The following CDH4 variants were observed in gnomAD, a reference collection of about 807,000 sequenced individuals.
CDH4 encodes the protein cadherin 4, also known as cadherin-4.
Under a neutral mutation model 86.0 loss-of-function variants are expected in CDH4, and 33 were observed. That is an observed-to-expected ratio of 0.38 (90% CI 0.29 to 0.51). The LOEUF (loss-of-function observed/expected upper bound fraction) is 0.51. CDH4 is among the 20% of genes least tolerant of loss of function. The pLI, the probability that CDH4 is intolerant of heterozygous loss-of-function variation, is 0.86. For synonymous variants in CDH4, 555 were observed against 549.4 expected (o/e 1.01, Z -0.14); for missense variants, 1,114 against 1,307.4 (o/e 0.85, Z 2.28).
chr20:61,929,473 G>A, intron 12 of CDH4, 136 bp from the exon 13 acceptor site: 1 of 655,796 alleles, frequency 1.5e-6, no homozygotes, highest in Admixed American at 2.3e-5. Context: ...TAGCACAGGT[G>A]TATGTATGTA....
At chr20:61,611,422 C>T (rs1339077094) in intron 2 of CDH4, among the ~76,000 whole-genome samples, 2 of 152,072 alleles carry the variant, frequency 1.3e-5, no homozygotes, top group South Asian at 2.1e-4. Flanking sequence ...AAGTCAATCC[C>T]TGAGGATCTG....
At chr20:61,407,666 G>A (rs148094524) in intron 2 of CDH4, among the ~76,000 whole-genome samples, 184 of 152,310 alleles carry the variant, frequency 1.2e-3, no homozygotes, top group African/African-American at 4.3e-3. Flanking sequence ...GAAGGAATGT[G>A]CAGATAAGCT....
At chr20:61,331,785 G>C (rs2084581960) in intron 2 of CDH4, among the ~76,000 whole-genome samples, 1 of 115,702 alleles carries the variant, frequency 8.6e-6, no homozygotes, top group Admixed American at 9.8e-5. Flanking sequence ...CACTCAGCCT[G>C]CCTGCAGCAG....
At position 61,258,340 on chromosome 20, in the gene CDH4, AAAAAAG is replaced by A. The variant is rs1344606167; in HGVS notation, c.169+3409_169+3414del. On this transcript the variant is annotated intron_variant, in intron 2 of 15. Transcript: ENST00000614565. ...ACGAGACTCCGTCTCAAAAAAAAAA[AAAAAAG>A]AAAAAAAAAAAAGAAAGAGGAGCAT... 3.5e-3 allele frequency among the ~76,000 whole-genome samples: 426 copies of A among 121,784 alleles called. 1 individual carries two copies. Among genetic ancestry groups the A allele is most frequent in the Non-Finnish European group, 5.1e-3 (276 of 54,502 alleles). 79.9% of individuals were successfully genotyped at this position (121,784 alleles called of 152,430 possible).
intron 2 of CDH4, among the ~76,000 whole-genome samples, chr20:61,586,480 G>A (rs531526974): frequency 2.6e-5 from 4 of 152,332 alleles, no homozygotes; most frequent in African/African-American, 9.6e-5. Context: ...CCTCCAGCCA[G>A]GGAGTGCCTG....
chr20:61,533,516 C>T (rs972592575), intron 2 of CDH4, among the ~76,000 whole-genome samples: 3 of 152,228 alleles, frequency 2.0e-5, no homozygotes, highest in East Asian at 1.9e-4. Flanking sequence ...GCCTGAGGAC[C>T]GGGGCTCAGC....
chr20:61,698,854 C>T (rs576335227), intron 2 of CDH4, among the ~76,000 whole-genome samples: 1 of 152,338 alleles, frequency 6.6e-6, no homozygotes, highest in East Asian at 1.9e-4. Flanking sequence ...CGCCTGATGT[C>T]GGGCTGCCTT....
At chr20:61,763,810 G>T (rs538264773) in intron 3 of CDH4, among the ~76,000 whole-genome samples, 1 of 152,128 alleles carries the variant, frequency 6.6e-6, no homozygotes, top group South Asian at 2.1e-4. Context: ...CATAATTCCC[G>T]GCTCCTAACA....
rs193049659 is a variant in CDH4 at position 61,811,039 on chromosome 20, T to C, written c.577-33629T>C. On this transcript the variant is annotated intron_variant, in intron 4 of 15. Coordinates refer to ENST00000614565, the MANE Select transcript of CDH4 (RefSeq NM_001794.5). This position sits in a 1 kb window ranked among gnomAD's most constrained non-coding sequence, Gnocchi z 4.4. The stretch of plus-strand genomic sequence containing the variant: ...GGCTCTTCATCCCCTGCAAAACTAA[T>C]GGCGCGGTGCTGACTGCCGCATCCT... Among the ~76,000 whole-genome samples the C allele has an allele frequency of 7.2e-5, 11 of 152,324 alleles. No homozygotes were observed. Among genetic ancestry groups the C allele is most frequent in the African/African-American group, 2.6e-4 (11 of 41,580 alleles).
chr20:61,438,257 T>C (rs1044014356), intron 2 of CDH4, among the ~76,000 whole-genome samples: 1 of 152,260 alleles, frequency 6.6e-6, no homozygotes, highest in Non-Finnish European at 1.5e-5. Context: ...AAAATTATAC[T>C]ACCATAGAAA....
intron 2 of CDH4, among the ~76,000 whole-genome samples, chr20:61,481,789 A>G (rs1424842939): frequency 2.0e-5 from 3 of 150,826 alleles, no homozygotes; most frequent in African/African-American, 7.5e-5. Flanking sequence ...GCCGTTATGT[A>G]TATAAGAGAA....
At chr20:61,533,002 G>A (rs2085967312) in intron 2 of CDH4, among the ~76,000 whole-genome samples, 1 of 152,130 alleles carries the variant, frequency 6.6e-6, no homozygotes, top group Non-Finnish European at 1.5e-5. Flanking sequence ...TGGTTCCTTG[G>A]CCTGCTTTCC....
At chr20:61,556,714 G>T (rs986035220) in intron 2 of CDH4, among the ~76,000 whole-genome samples, 2 of 152,212 alleles carry the variant, frequency 1.3e-5, no homozygotes, top group East Asian at 1.9e-4. Flanking sequence ...CTTCTCCAGT[G>T]CCCCCAGTGG....
chr20:61,497,254 A>G (rs1195514691), intron 2 of CDH4, among the ~76,000 whole-genome samples: 1 of 151,848 alleles, frequency 6.6e-6, no homozygotes, highest in Non-Finnish European at 1.5e-5. Flanking sequence ...TAACACTTGT[A>G]TTTGTGTTTT....
chr20:61,523,391 C>T (rs1399675513), intron 2 of CDH4, among the ~76,000 whole-genome samples: 9 of 152,340 alleles, frequency 5.9e-5, no homozygotes, highest in Admixed American at 2.0e-4. Flanking sequence ...CGTGGCATGG[C>T]GTGCTCCTCG....
chr20:61,562,460 G>A lies in CDH4; in HGVS notation c.170-181103G>A, dbSNP rs569473357. On this transcript the variant is annotated intron_variant, in intron 2 of 15. Coordinates refer to ENST00000614565, the MANE Select transcript of CDH4 (RefSeq NM_001794.5). ...CTCCCGGAGAGAGAGAGGGGCCTCC[G>A]TGTGCAGAGGTGGTTTGTCGCTTCT... Among the ~76,000 whole-genome samples, 95 of 152,266 alleles carry A rather than the reference G, an allele frequency of 6.2e-4. 1 individual carries two copies. Among genetic ancestry groups the A allele is most frequent in the Admixed American group, 5.6e-3 (86 of 15,298 alleles).
At chr20:61,668,772 G>A (rs910715614) in intron 2 of CDH4, among the ~76,000 whole-genome samples, 3 of 152,226 alleles carry the variant, frequency 2.0e-5, no homozygotes, top group African/African-American at 4.8e-5. Flanking sequence ...CCAGGCCCCT[G>A]GGCCCTCCAC....
intron 2 of CDH4, among the ~76,000 whole-genome samples, chr20:61,396,726 A>G (rs1278421717): frequency 1.3e-5 from 2 of 152,128 alleles, no homozygotes; most frequent in African/African-American, 4.8e-5. Flanking sequence ...GAGGCCCCGA[A>G]GGGGTAGCTT....
chr20:61,760,630 A>G (rs1167664156), intron 3 of CDH4, among the ~76,000 whole-genome samples: 1 of 152,252 alleles, frequency 6.6e-6, no homozygotes, highest in African/African-American at 2.4e-5. Context: ...CACCGACACC[A>G]TGGCAGCAAG....
Sources: allele counts gnomAD v4.1 joint callset (sites outside exome capture counted in the v4.1 genomes callset), GRCh38; gene constraint gnomAD v4.1.1; non-coding constraint Gnocchi (gnomAD v3.1); transcripts MANE v1.5; gene names NCBI Gene and HGNC (gene_info 2026-07-23, HGNC 2026-07-21).